Variants in FSTL5 observed in about 807,000 individuals in gnomAD.
FSTL5 encodes the protein follistatin-related protein 5.
Under a neutral mutation model 89.1 loss-of-function variants are expected in FSTL5, and 62 were observed. The observed-to-expected ratio is 0.70, with a 90% CI of 0.57 to 0.86. FSTL5 has a LOEUF of 0.86. Among genes scored for constraint, FSTL5 ranks in the 40% least tolerant of loss-of-function variants. FSTL5 has a pLI of 0.00. For missense variants in FSTL5, 1,057 were observed against 1,001.6 expected, an observed-to-expected ratio of 1.06 and a Z score of -0.75; for synonymous variants, 383 against 346.2, an observed-to-expected ratio of 1.11 and a Z score of -1.18.
At chr4:161,910,639 T>G (rs1294492568) in intron 4 of FSTL5, among the ~76,000 whole-genome samples, 1 of 152,136 alleles carries the variant, frequency 6.6e-6, no homozygotes, top group Non-Finnish European at 1.5e-5. Context: ...TCTGACAACA[T>G]TTTATCAGTG....
intron 6 of FSTL5, among the ~76,000 whole-genome samples, chr4:161,708,898 ACAAAATAT>A (rs1375594295): frequency 2.0e-5 from 3 of 152,202 alleles, no homozygotes; most frequent in African/African-American, 7.2e-5. Flanking sequence ...CCAATAATAT[ACAAAATAT>A]TTGGGAAATG....
chr4:161,519,918 A>C (rs2126514053), intron 10 of FSTL5, among the ~76,000 whole-genome samples: 1 of 152,310 alleles, frequency 6.6e-6, no homozygotes, highest in Non-Finnish European at 1.5e-5. Flanking sequence ...TAAAATGATT[A>C]TAATATATAT....
chr4:161,501,581 T>A (rs1375708608), intron 11 of FSTL5, among the ~76,000 whole-genome samples: 1 of 152,064 alleles, frequency 6.6e-6, no homozygotes, highest in Non-Finnish European at 1.5e-5. Flanking sequence ...TGATACATCT[T>A]ATTATTTTAT....
chr4:161,965,651 A>T (rs1211643890), intron 3 of FSTL5, among the ~76,000 whole-genome samples: 1 of 152,064 alleles, frequency 6.6e-6, no homozygotes, highest in Non-Finnish European at 1.5e-5. Context: ...TCTTCCTGTT[A>T]TCCTTAGACA....
intron 6 of FSTL5, among the ~76,000 whole-genome samples, chr4:161,746,141 AT>A (rs559786048): frequency 4.1e-4 from 61 of 148,354 alleles, no homozygotes; most frequent in Middle Eastern, 3.5e-3. Flanking sequence ...AGATAGTGTG[AT>A]TTTTTTTTTT....
intron 2 of FSTL5, among the ~76,000 whole-genome samples, chr4:162,094,561 TCAGA>T (rs1730674373): frequency 6.6e-6 from 1 of 152,028 alleles, no homozygotes; most frequent in African/African-American, 2.4e-5. Context: ...TCTGCAACAT[TCAGA>T]CATAGTATTA....
rs183706817 is a variant in FSTL5 at position 161,482,592 on chromosome 4, C to T, written c.1459-1423G>A. ...CACTTTCATCATCACTATCACCAAG[C>T]GTTTATTTTTAAAGATAATACTGAT... On this transcript the variant is annotated intron_variant, in intron 12 of 15. Coordinates refer to ENST00000306100, the MANE Select transcript of FSTL5 (RefSeq NM_020116.5). Among the ~76,000 whole-genome samples the T allele has an allele frequency of 5.4e-4, 82 of 152,204 alleles. No individual in the cohort carries two copies. The East Asian group carries it at 0.011, about 20-fold the overall frequency.
chr4:161,988,274 C>T (rs1038801798), intron 3 of FSTL5, among the ~76,000 whole-genome samples: 1 of 151,986 alleles, frequency 6.6e-6, no homozygotes, highest in African/African-American at 2.4e-5. Context: ...GGGAAAATCA[C>T]AGATAGGCAA....
At chr4:162,104,281 G>A (rs980418917) in intron 2 of FSTL5, among the ~76,000 whole-genome samples, 9 of 152,116 alleles carry the variant, frequency 5.9e-5, no homozygotes, top group Admixed American at 1.3e-4. Flanking sequence ...GTTCTCTTCC[G>A]TGACCAATGG....
chr4:162,141,081 A>G (rs1229905291), intron 1 of FSTL5, among the ~76,000 whole-genome samples: 1 of 143,812 alleles, frequency 7.0e-6, no homozygotes, highest in African/African-American at 2.6e-5. Flanking sequence ...GTTGCTTAAG[A>G]GTGTGGCACC....
chr4:161,552,800 G>A (rs527350746), intron 8 of FSTL5, among the ~76,000 whole-genome samples: 91 of 151,786 alleles, frequency 6.0e-4, no homozygotes, highest in African/African-American at 1.9e-3. Flanking sequence ...TCAGTGACAA[G>A]CTAAACATTT....
intron 3 of FSTL5, among the ~76,000 whole-genome samples, chr4:161,982,625 T>C (rs755469066): frequency 2.0e-5 from 3 of 152,226 alleles, no homozygotes; most frequent in Admixed American, 1.3e-4. Flanking sequence ...TCCTCTCTTA[T>C]GTAGTTTTGA....
chr4:161,669,591 T>TA (rs552574058), intron 6 of FSTL5, among the ~76,000 whole-genome samples: 4 of 150,830 alleles, frequency 2.7e-5, no homozygotes, highest in Non-Finnish European at 4.4e-5. Context: ...CATTCACATT[T>TA]AAAAAAAAAT....
chr4:161,822,104 T>G (rs1037969153), intron 4 of FSTL5, among the ~76,000 whole-genome samples: 3 of 152,176 alleles, frequency 2.0e-5, no homozygotes, highest in Non-Finnish European at 4.4e-5. Flanking sequence ...CTACTATTTT[T>G]TTTTTCATTA....
At chr4:161,871,758 T>G (rs1323447574) in intron 4 of FSTL5, among the ~76,000 whole-genome samples, 1 of 152,138 alleles carries the variant, frequency 6.6e-6, no homozygotes, top group African/African-American at 2.4e-5. Context: ...ATTGAAGCTA[T>G]GAGTAAGCAA....
intron 1 of FSTL5, among the ~76,000 whole-genome samples, chr4:162,147,982 G>A (rs1733067884): frequency 6.6e-6 from 1 of 152,072 alleles, no homozygotes; most frequent in Admixed American, 6.6e-5. Context: ...TCCAGCCTGG[G>A]CAACAAGAGC....
chr4:161,602,088 A>C (rs908475851), intron 7 of FSTL5, among the ~76,000 whole-genome samples: 1 of 152,062 alleles, frequency 6.6e-6, no homozygotes, highest in Non-Finnish European at 1.5e-5. Flanking sequence ...GAAGAAATCC[A>C]TGAATGGTTG....
chr4:161,450,836 C>T (rs1213320424), intron 15 of FSTL5, among the ~76,000 whole-genome samples: 1 of 151,560 alleles, frequency 6.6e-6, no homozygotes, highest in Non-Finnish European at 1.5e-5. Flanking sequence ...TCCACCCTCC[C>T]AGGTTCATGG....
At chr4:161,767,691 T>G (rs908915117) in intron 5 of FSTL5, among the ~76,000 whole-genome samples, 5 of 152,122 alleles carry the variant, frequency 3.3e-5, no homozygotes, top group Non-Finnish European at 5.9e-5. Flanking sequence ...ATAGCAAGTA[T>G]TTTTAGTTCT....
Sources: gnomAD v4.1 joint callset for allele counts (sites outside exome capture counted in the v4.1 genomes callset) on GRCh38, gnomAD v4.1.1 for gene constraint, MANE v1.5 for transcripts, NCBI Gene and HGNC (gene_info 2026-07-23, HGNC 2026-07-21) for gene names.